Variants in TSPAN8 observed in about 807,000 individuals in gnomAD.
TSPAN8 encodes tetraspanin 8, also known as tetraspanin-8.
TSPAN8 carries 21 observed loss-of-function variants against 32.8 expected under a neutral mutation model. The observed-to-expected ratio is 0.64, with a 90% CI of 0.45 to 0.92. TSPAN8 has a LOEUF of 0.92. TSPAN8 is among the 40% of genes least tolerant of loss of function. The probability of loss-of-function intolerance (pLI) is 0.00; values close to 1 mark genes in which losing one functional copy is unlikely to be tolerated. For missense variants in TSPAN8, 269 were observed against 281.9 expected, an observed-to-expected ratio of 0.95 and a Z score of 0.33; for synonymous variants, 95 against 94.6, an observed-to-expected ratio of 1.00 and a Z score of -0.03.
intron 7 of TSPAN8, among the ~76,000 whole-genome samples, chr12:71,132,446 C>T (rs905143729): frequency 2.0e-5 from 3 of 152,090 alleles, no homozygotes; most frequent in Admixed American, 6.5e-5. Flanking sequence ...TGTACTTTGC[C>T]TCCCATTGCA....
intron 2 of TSPAN8, among the ~76,000 whole-genome samples, chr12:71,145,972 A>AT (rs1382224025): frequency 1.3e-5 from 2 of 152,078 alleles, no homozygotes; most frequent in Non-Finnish European, 2.9e-5. Context: ...ATTTTTTAAA[A>AT]CTTTTTTTGT....
intron 2 of TSPAN8, among the ~76,000 whole-genome samples, chr12:71,151,197 A>G (rs927461659): frequency 6.6e-6 from 1 of 151,512 alleles, no homozygotes; most frequent in Admixed American, 6.6e-5. Context: ...CTGAGTAGCT[A>G]GGACTACAGG....
chr12:71,137,864 T>C, intron 6 of TSPAN8, 89 bp downstream of exon 6: 1 of 1,230,460 alleles, frequency 8.1e-7, no homozygotes, highest in Middle Eastern at 2.8e-4. Context: ...ATGGAGACAT[T>C]TTTCAATCTT....
chr12:71,139,891 G>T (rs200194896), intron 3 of TSPAN8, 43 bp from the exon 4 acceptor site: 11 of 1,528,972 alleles, frequency 7.2e-6, no homozygotes, highest in Middle Eastern at 4.0e-4. Context: ...TTATTTCCTT[G>T]AAGTTTATTT....
chr12:71,141,122 G>C (rs74798760), intron 3 of TSPAN8, among the ~76,000 whole-genome samples: 1 of 152,080 alleles, frequency 6.6e-6, no homozygotes, highest in African/African-American at 2.4e-5. Flanking sequence ...TGTAATCCTG[G>C]AACAGTCACC....
chr12:71,132,662 C>T, intron 7 of TSPAN8, 31 bp downstream of exon 7: 2 of 1,605,684 alleles, frequency 1.2e-6, no homozygotes, highest in East Asian at 2.2e-5. Context: ...AACAGAATTG[C>T]TTATTGTACC....
chr12:71,134,818 G>A (rs1215448510), intron 6 of TSPAN8, among the ~76,000 whole-genome samples: 3 of 152,154 alleles, frequency 2.0e-5, no homozygotes, highest in Non-Finnish European at 2.9e-5. Context: ...TAGATGAGAG[G>A]GTAGAAGTTA....
chr12:71,156,603 G>T (rs1052813899), intron 2 of TSPAN8, among the ~76,000 whole-genome samples: 2 of 152,046 alleles, frequency 1.3e-5, no homozygotes, highest in African/African-American at 4.8e-5. Flanking sequence ...ATACAATAAA[G>T]CTGTATTCAT....
chr12:71,133,833 A>C (rs1871597219), intron 6 of TSPAN8, among the ~76,000 whole-genome samples: 1 of 152,168 alleles, frequency 6.6e-6, no homozygotes. Flanking sequence ...GGGAGAAAGA[A>C]AGATAATTAT....
intron 6 of TSPAN8, among the ~76,000 whole-genome samples, chr12:71,136,339 G>T (rs1021807814): frequency 3.3e-5 from 5 of 152,132 alleles, no homozygotes; most frequent in African/African-American, 1.2e-4. Flanking sequence ...ATATAAGCAG[G>T]ATGGGCAAAA....
chr12:71,135,849 T>C (rs190178888), intron 6 of TSPAN8, among the ~76,000 whole-genome samples: 46 of 152,124 alleles, frequency 3.0e-4, no homozygotes, highest in African/African-American at 1.1e-3. Context: ...CCAGCAGAGG[T>C]ACTGAGGCTG....
chr12:71,128,747 C>A (rs1186774197), intron 8 of TSPAN8, among the ~76,000 whole-genome samples: 1 of 150,468 alleles, frequency 6.6e-6, no homozygotes, highest in Non-Finnish European at 1.5e-5. Context: ...GAAAGTAATA[C>A]ATAAGCCTCA....
intron 4 of TSPAN8, chr12:71,139,383 A>G (rs572592432): frequency 1.5e-5 from 7 of 475,680 alleles, no homozygotes; most frequent in Non-Finnish European, 2.3e-5. Flanking sequence ...CTATTTGCTT[A>G]CTTATTAACC....
chr12:71,136,610 C>G (rs961199864), intron 6 of TSPAN8, among the ~76,000 whole-genome samples: 2 of 152,152 alleles, frequency 1.3e-5, no homozygotes, highest in Admixed American at 6.5e-5. Flanking sequence ...AGAGTTTACT[C>G]TTTAGAGAGT....
chr12:71,147,436 T>A (rs368840336), intron 2 of TSPAN8, among the ~76,000 whole-genome samples: 4 of 152,150 alleles, frequency 2.6e-5, no homozygotes, highest in African/African-American at 9.7e-5. Flanking sequence ...GGACACCTTT[T>A]AGGTAAGCTT....
intron 6 of TSPAN8, among the ~76,000 whole-genome samples, chr12:71,137,008 C>T (rs527565936): frequency 4.7e-4 from 72 of 152,242 alleles, no homozygotes; most frequent in African/African-American, 1.6e-3. Flanking sequence ...TGGTTGCTCA[C>T]GCTTGCAATC....
chr12:71,157,586 C>T, intron 2 of TSPAN8, 33 bp downstream of exon 2: 1 of 1,446,136 alleles, frequency 6.9e-7, no homozygotes, highest in South Asian at 1.1e-5. Context: ...CCCTTTCTTG[C>T]ATAAAATTGA....
chr12:71,155,794 C>T (rs569806073), intron 2 of TSPAN8, among the ~76,000 whole-genome samples: 20 of 151,542 alleles, frequency 1.3e-4, no homozygotes, highest in Admixed American at 3.3e-4. Flanking sequence ...TGCAGTGGTG[C>T]GAGCTCGGCT....
At chr12:71,157,216 CA>C (rs1329512624) in intron 2 of TSPAN8, 1 of 167,330 alleles carries the variant, frequency 6.0e-6, no homozygotes, top group Non-Finnish European at 1.3e-5. Context: ...TGTTCAAACC[CA>C]GAAGTGAAGG....
Sources: allele counts gnomAD v4.1 joint callset (sites outside exome capture counted in the v4.1 genomes callset), GRCh38; gene constraint gnomAD v4.1.1; transcripts MANE v1.5; gene names NCBI Gene and HGNC (gene_info 2026-07-23, HGNC 2026-07-21).